The following PLXDC2 variants were observed in gnomAD, a reference collection of about 807,000 sequenced individuals.
PLXDC2 encodes plexin domain-containing protein 2.
In PLXDC2, 40 loss-of-function variants were observed where a neutral mutation model predicts 68.9. The ratio of observed to expected loss-of-function variants is 0.58; its 90% confidence interval spans 0.45 to 0.76. The LOEUF is 0.76. Ranked by LOEUF, PLXDC2 falls within the 30% of genes least tolerant of loss-of-function variation. The probability of loss-of-function intolerance (pLI) is 0.00; values close to 1 mark genes in which losing one functional copy is unlikely to be tolerated. For synonymous variants in PLXDC2, 243 were observed against 234.2 expected (o/e 1.04, Z -0.34); for missense variants, 644 against 661.9 (o/e 0.97, Z 0.30).
intron 1 of PLXDC2, among the ~76,000 whole-genome samples, chr10:19,954,673 A>T (rs1242324996): frequency 2.0e-5 from 3 of 152,208 alleles, no homozygotes; most frequent in Admixed American, 2.0e-4. Context: ...CCATTTATTG[A>T]TATTTTTAAC....
chr10:20,040,552 G>A (rs1442278696), intron 2 of PLXDC2, among the ~76,000 whole-genome samples: 2 of 152,136 alleles, frequency 1.3e-5, no homozygotes, highest in East Asian at 1.9e-4. Context: ...TCTTGCTCTC[G>A]ACTTTTGCTG....
chr10:20,023,953 A>G (rs1396643423), intron 2 of PLXDC2, among the ~76,000 whole-genome samples: 1 of 152,176 alleles, frequency 6.6e-6, no homozygotes, highest in African/African-American at 2.4e-5. Context: ...GAACTCTTAT[A>G]TCAACTGCCA....
chr10:19,864,388 C>T lies in PLXDC2; in HGVS notation c.112+47197C>T, dbSNP rs1478768658. ...TAGGCTAAAATAGGCATCTATCTGG[C>T]ACACTTCTTAGATGAATTCTGAAAC... is the stretch of plus-strand genomic sequence containing the variant. On this transcript the variant is annotated intron_variant, in intron 1 of 13. Transcript: ENST00000377252. Among the ~76,000 whole-genome samples, 8 of 152,288 alleles carry T rather than the reference C, an allele frequency of 5.3e-5. No individual in the cohort carries two copies. In the East Asian group the frequency reaches 1.5e-3, roughly 29 times the overall value.
chr10:20,075,876 C>T (rs1391776225), intron 4 of PLXDC2, among the ~76,000 whole-genome samples: 3 of 152,258 alleles, frequency 2.0e-5, no homozygotes, highest in African/African-American at 7.2e-5. Context: ...GCCATAACAG[C>T]CACTGAAGTG....
In PLXDC2 at chr10:19,830,343, C is replaced by T. The variant is rs370680586; in HGVS notation, c.112+13152C>T. On this transcript the variant is annotated intron_variant, in intron 1 of 13. Coordinates refer to ENST00000377252, the MANE Select transcript of PLXDC2 (RefSeq NM_032812.9). ...CTTTTCACAGTCTTAATGTGATCCA[C>T]TTGCTGACGTTTTAATCCGTTCAGG... is the stretch of plus-strand genomic sequence containing the variant. Among the ~76,000 whole-genome samples the T allele has an allele frequency of 7.9e-5, 12 of 152,352 alleles. No individual in the cohort carries two copies. The South Asian group carries it at 2.5e-3, about 32-fold the overall frequency.
At chr10:20,179,327 G>A (rs1834571068) in intron 9 of PLXDC2, among the ~76,000 whole-genome samples, 1 of 152,094 alleles carries the variant, frequency 6.6e-6, no homozygotes, top group African/African-American at 2.4e-5. Context: ...TAAAGGCAGA[G>A]ACCATATCCA....
intron 9 of PLXDC2, among the ~76,000 whole-genome samples, chr10:20,197,665 A>AT (rs896322690): frequency 1.3e-4 from 19 of 147,490 alleles, no homozygotes; most frequent in East Asian, 6.1e-4. Flanking sequence ...CTTTATTTTT[A>AT]TTTTTTTTCT....
At chr10:20,064,421 C>T (rs182031606) in intron 3 of PLXDC2, among the ~76,000 whole-genome samples, 1 of 151,884 alleles carries the variant, frequency 6.6e-6, no homozygotes, top group African/African-American at 2.4e-5. Context: ...GGGGTTTCAC[C>T]GTGTTAGCCA....
rs11011667 is a variant in PLXDC2 at position 19,909,277 on chromosome 10, A to C, written c.112+92086A>C. The stretch of plus-strand genomic sequence containing the variant: ...ACACTCACACACAGATGAGATCGTG[A>C]AGCTAATCTCATTTCTTTGTTTAGA... On this transcript the variant is annotated intron_variant, in intron 1 of 13. Coordinates refer to ENST00000377252, the MANE Select transcript of PLXDC2 (RefSeq NM_032812.9). Among the ~76,000 whole-genome samples, 28 of 152,328 alleles carry C rather than the reference A, an allele frequency of 1.8e-4. No individual in the cohort carries two copies. In the East Asian group the frequency reaches 5.2e-3, roughly 28 times the overall value.
chr10:19,895,612 C>T (rs1388953101), intron 1 of PLXDC2, among the ~76,000 whole-genome samples: 1 of 152,132 alleles, frequency 6.6e-6, no homozygotes, highest in East Asian at 1.9e-4. Context: ...CAGCACATCT[C>T]ATTTTGGACT....
chr10:20,142,825 T>C (rs1419112100), intron 4 of PLXDC2, among the ~76,000 whole-genome samples: 1 of 151,930 alleles, frequency 6.6e-6, no homozygotes, highest in African/African-American at 2.4e-5. Flanking sequence ...AATCAAAACA[T>C]TTTCTGCATT....
At chr10:19,911,535 G>A (rs1833272039) in intron 1 of PLXDC2, among the ~76,000 whole-genome samples, 1 of 152,094 alleles carries the variant, frequency 6.6e-6, no homozygotes, top group African/African-American at 2.4e-5. Flanking sequence ...TAGAGCCTTT[G>A]TCAAACATCC....
chr10:20,155,036 C>T (rs1834200209), intron 6 of PLXDC2, among the ~76,000 whole-genome samples: 1 of 152,068 alleles, frequency 6.6e-6, no homozygotes, highest in South Asian at 2.1e-4. Context: ...TAAGTAAAAT[C>T]ACTTTTTAAT....
chr10:20,105,048 CA>C (rs11289832), intron 4 of PLXDC2, among the ~76,000 whole-genome samples: 8,300 of 97,088 alleles, frequency 0.085, 252 homozygotes, highest in African/African-American at 0.15. Flanking sequence ...AGACTCCATC[CA>C]AAAAAAAAAA....
intron 13 of PLXDC2, among the ~76,000 whole-genome samples, chr10:20,256,167 C>G (rs1835739730): frequency 2.0e-5 from 3 of 151,362 alleles, no homozygotes; most frequent in Admixed American, 6.6e-5. Flanking sequence ...GAATCTTGCT[C>G]TGTTGCCGAG....
rs140586122 is a variant in PLXDC2, at chr10:20,184,915, G to A, written c.1061+7506G>A. On this transcript the variant is annotated intron_variant, in intron 9 of 13. Transcript: ENST00000377252. ...ACACAGGAACAGAAAACCAAACACCGCATGTTCTCACTCATATGTGGGAGT... is the reference window on the plus strand; with the variant it reads ...ACACAGGAACAGAAAACCAAACACCACATGTTCTCACTCATATGTGGGAGT... 8.5e-3 allele frequency among the ~76,000 whole-genome samples: 1,281 copies of A among 151,580 alleles called. 17 individuals carry two copies. The highest frequency in any genetic ancestry group is 0.03 in the African/African-American group (1,234 of 41,374).
At chr10:20,214,946 A>T (rs1183315798) in intron 10 of PLXDC2, among the ~76,000 whole-genome samples, 1 of 152,186 alleles carries the variant, frequency 6.6e-6, no homozygotes, top group Non-Finnish European at 1.5e-5. Context: ...TCAATAGATG[A>T]CTTTTTGGGC....
chr10:20,175,738 G>T (rs1834518083), intron 7 of PLXDC2, among the ~76,000 whole-genome samples: 1 of 149,756 alleles, frequency 6.7e-6, no homozygotes, highest in Non-Finnish European at 1.5e-5. Flanking sequence ...AGACTAAGGT[G>T]GGAGGATCGC....
chr10:20,052,629 AAGCT>A lies in PLXDC2; in HGVS notation c.471+5615_471+5618del, dbSNP rs1835922573. On this transcript the variant is annotated intron_variant, in intron 3 of 13. Coordinates refer to ENST00000377252, the MANE Select transcript of PLXDC2 (RefSeq NM_032812.9). Reference sequence around the variant, plus strand: ...TTGGCTGGAAACAGGATTTAAATTTAAGCTCCAAGGGGAAGAAGGGAGTTTCTCG... The same window carrying A: ...TTGGCTGGAAACAGGATTTAAATTTACCAAGGGGAAGAAGGGAGTTTCTCG... 4.0e-5 allele frequency among the ~76,000 whole-genome samples: 6 copies of A among 151,802 alleles called. No homozygotes were observed. The South Asian group carries it at 1.2e-3, about 32-fold the overall frequency.
Sources: gnomAD v4.1 joint callset for allele counts (sites outside exome capture counted in the v4.1 genomes callset) on GRCh38, gnomAD v4.1.1 for gene constraint, MANE v1.5 for transcripts, NCBI Gene and HGNC (gene_info 2026-07-23, HGNC 2026-07-21) for gene names.